The following GALNT17 variants were observed in gnomAD, a reference collection of about 807,000 sequenced individuals.
GALNT17 encodes the protein polypeptide N-acetylgalactosaminyltransferase 17, also known as UDP-GalNAc:polypeptide N-acetylgalactosaminyltransferase-like 3.
A neutral mutation model predicts 63.7 loss-of-function variants in GALNT17; 29 were observed. The ratio of observed to expected loss-of-function variants is 0.46; its 90% confidence interval spans 0.34 to 0.62. GALNT17 has a LOEUF of 0.62. GALNT17 is among the 20% of genes least tolerant of loss of function. The pLI is 0.01. For synonymous variants in GALNT17, 305 were observed against 318.3 expected (o/e 0.96, Z 0.45); for missense variants, 603 against 799.6 (o/e 0.75, Z 2.97).
intron 9 of GALNT17, among the ~76,000 whole-genome samples, chr7:71,701,419 G>A (rs1226247400): frequency 2.0e-5 from 3 of 151,864 alleles, no homozygotes; most frequent in African/African-American, 4.8e-5. Context: ...CTCAGGAGGT[G>A]GAGGTTGCAG....
At chr7:71,556,228 AC>A (rs1279744716) in intron 5 of GALNT17, among the ~76,000 whole-genome samples, 2 of 152,214 alleles carry the variant, frequency 1.3e-5, no homozygotes, top group African/African-American at 4.8e-5. Context: ...CTGTCACCTG[AC>A]TGTCCTTGGG....
At chr7:71,453,654 A>G (rs1034626740) in intron 5 of GALNT17, among the ~76,000 whole-genome samples, 1 of 152,204 alleles carries the variant, frequency 6.6e-6, no homozygotes, top group African/African-American at 2.4e-5. Flanking sequence ...AGCCATATCA[A>G]CAATATTCAT....
At chr7:71,395,596 C>G (rs1014529441) in intron 3 of GALNT17, among the ~76,000 whole-genome samples, 1 of 152,148 alleles carries the variant, frequency 6.6e-6, no homozygotes, top group Non-Finnish European at 1.5e-5. Flanking sequence ...TTCTTGGGTA[C>G]ATATCTAGGA....
intron 5 of GALNT17, among the ~76,000 whole-genome samples, chr7:71,422,737 C>A (rs1156281810): frequency 6.6e-6 from 1 of 152,220 alleles, no homozygotes; most frequent in Non-Finnish European, 1.5e-5. Context: ...TTGTGTTAAT[C>A]AGCTTACTTA....
chr7:71,348,476 G>C (rs1405596745), intron 2 of GALNT17, among the ~76,000 whole-genome samples: 1 of 152,168 alleles, frequency 6.6e-6, no homozygotes, highest in Non-Finnish European at 1.5e-5. Context: ...TTCTGGACAA[G>C]TTTCAATGTC....
chr7:71,173,403 A>G (rs1788579579), intron 1 of GALNT17, among the ~76,000 whole-genome samples: 1 of 152,134 alleles, frequency 6.6e-6, no homozygotes, highest in African/African-American at 2.4e-5. Flanking sequence ...TACTGGGAGG[A>G]GAAAGTATTA....
intron 3 of GALNT17, among the ~76,000 whole-genome samples, chr7:71,402,854 G>A (rs1270341067): frequency 6.6e-6 from 1 of 152,132 alleles, no homozygotes; most frequent in Non-Finnish European, 1.5e-5. Context: ...GAGGCTCTGA[G>A]TGAAATAGCC....
chr7:71,473,436 A>G (rs1263021706), intron 5 of GALNT17, among the ~76,000 whole-genome samples: 1 of 152,226 alleles, frequency 6.6e-6, no homozygotes, highest in East Asian at 1.9e-4. Context: ...AAGTCAAAGC[A>G]ATATATTTTG....
chr7:71,672,009 T>C (rs1376265139), intron 8 of GALNT17, among the ~76,000 whole-genome samples: 15 of 126,670 alleles, frequency 1.2e-4, no homozygotes, highest in Non-Finnish European at 2.2e-4. Flanking sequence ...GCCTGGGTGA[T>C]AGAGTGAGAC....
At chr7:71,619,524 A>G (rs772833420) in intron 6 of GALNT17, among the ~76,000 whole-genome samples, 2 of 152,158 alleles carry the variant, frequency 1.3e-5, no homozygotes, top group Non-Finnish European at 2.9e-5. Flanking sequence ...GGTTAGCTGT[A>G]TTCCAAGGTA....
At position 71,263,734 on chromosome 7, in the gene GALNT17, T is replaced by C. The variant is rs1418211991; in HGVS notation, c.239-71816T>C. Among the ~76,000 whole-genome samples the C allele has an allele frequency of 7.2e-5, 11 of 152,074 alleles. 1 individual carries two copies. Among genetic ancestry groups the C allele is most frequent in the South Asian group, 2.1e-4 (1 of 4,802 alleles). On this transcript the variant is annotated intron_variant, in intron 1 of 10. Coordinates refer to ENST00000333538, the MANE Select transcript of GALNT17 (RefSeq NM_022479.3). ...GTCAGGAGATCGAGACCATCCTGGC[T>C]AACACGGTGAAACCCCGTCTCTACT...
Position 71,710,365 on chromosome 7 carries a change from G to A in GALNT17, c.1501-396G>A, listed in dbSNP as rs961535347. Among the ~76,000 whole-genome samples the A allele has an allele frequency of 3.9e-5, 6 of 152,114 alleles. No individual in the cohort carries two copies. The East Asian group carries it at 5.8e-4, about 15-fold the overall frequency. ...TCTACTAAAAATACAAAAATTAGCC[G>A]TGTGTGGTGGTGCGCGCCTGTAATC... On this transcript the variant is annotated intron_variant, in intron 9 of 10. Coordinates refer to ENST00000333538, the MANE Select transcript of GALNT17 (RefSeq NM_022479.3).
chr7:71,261,090 C>T lies in GALNT17; in HGVS notation c.239-74460C>T, dbSNP rs1317119423. On this transcript the variant is annotated intron_variant, in intron 1 of 10. Coordinates refer to ENST00000333538, the MANE Select transcript of GALNT17 (RefSeq NM_022479.3). ...GAAGCCCTTGGACAGTTGGAGAAGT[C>T]CCCATGCTCAGGCTATACTCCGATG... Among the ~76,000 whole-genome samples, 3 of 152,196 alleles carry T rather than the reference C, an allele frequency of 2.0e-5. No individual in the cohort carries two copies. The East Asian group carries it at 5.8e-4, about 29-fold the overall frequency.
At chr7:71,271,090 A>G (rs936151317) in intron 1 of GALNT17, among the ~76,000 whole-genome samples, 5 of 152,246 alleles carry the variant, frequency 3.3e-5, no homozygotes, top group African/African-American at 1.2e-4. Flanking sequence ...TCATTCCTAA[A>G]GCAAGCTGAC....
At chr7:71,316,365 G>A (rs1267150679) in intron 1 of GALNT17, among the ~76,000 whole-genome samples, 4 of 152,014 alleles carry the variant, frequency 2.6e-5, no homozygotes, top group African/African-American at 9.7e-5. Context: ...GGGTGCGACT[G>A]GGAAGTCCTC....
chr7:71,351,235 A>C (rs1792184202), intron 2 of GALNT17, among the ~76,000 whole-genome samples: 1 of 152,114 alleles, frequency 6.6e-6, no homozygotes, highest in Middle Eastern at 3.2e-3. Context: ...GAAAACCCTA[A>C]GTTTGGAATG....
In GALNT17 at chr7:71,707,951, TG is replaced by T. The variant is rs1020002219; in HGVS notation, c.1501-2807del. Among the ~76,000 whole-genome samples the T allele has an allele frequency of 3.3e-5, 5 of 152,298 alleles. No individual in the cohort carries two copies. The East Asian group carries it at 9.7e-4, about 29-fold the overall frequency. The stretch of plus-strand genomic sequence containing the variant: ...AAATTGCTTCAAAGCCATCTTGCCA[TG>T]GGTGTATAGAAGGAATAGCGGAGGA... On this transcript the variant is annotated intron_variant, in intron 9 of 10. Coordinates refer to ENST00000333538, the MANE Select transcript of GALNT17 (RefSeq NM_022479.3).
At chr7:71,271,441 G>A (rs977936735) in intron 1 of GALNT17, among the ~76,000 whole-genome samples, 1 of 152,268 alleles carries the variant, frequency 6.6e-6, no homozygotes, top group Admixed American at 6.5e-5. Context: ...CATCCATCCC[G>A]GTTTGTTCTG....
chr7:71,601,023 G>A (rs542752101), intron 6 of GALNT17, among the ~76,000 whole-genome samples: 7 of 152,052 alleles, frequency 4.6e-5, no homozygotes, highest in Non-Finnish European at 8.8e-5. Flanking sequence ...TTGGTTTTCC[G>A]TTCGTGAGTT....
Sources: gnomAD v4.1 joint callset for allele counts (sites outside exome capture counted in the v4.1 genomes callset) on GRCh38, gnomAD v4.1.1 for gene constraint, MANE v1.5 for transcripts, NCBI Gene and HGNC (gene_info 2026-07-23, HGNC 2026-07-21) for gene names.